SPTA1: variants seen among roughly 807,000 people sequenced by gnomAD.
SPTA1 encodes the protein spectrin alpha, erythrocytic 1.
In SPTA1, 177 loss-of-function variants were observed where a neutral mutation model predicts 324.7. That is an observed-to-expected ratio of 0.55 (90% CI 0.48 to 0.62). SPTA1 has a LOEUF of 0.62. Among genes scored for constraint, SPTA1 ranks in the 20% least tolerant of loss-of-function variants. The pLI, the probability that SPTA1 is intolerant of heterozygous loss-of-function variation, is 0.00. For synonymous variants in SPTA1, 1,195 were observed against 1,041.3 expected (o/e 1.15, Z -2.84); for missense variants, 3,162 against 2,883.6 (o/e 1.10, Z -2.21).
intron 25 of SPTA1, 150 bp from the exon 26 acceptor site, chr1:158,648,803 G>C: frequency 2.6e-6 from 2 of 771,224 alleles, no homozygotes; most frequent in Non-Finnish European, 4.0e-6. Flanking sequence ...TTTTTTATGT[G>C]CTAGAAACTT....
At chr1:158,620,118 A>C (rs187569646) in intron 44 of SPTA1, 52 bp downstream of exon 44, 1 of 1,600,784 alleles carries the variant, frequency 6.2e-7, no homozygotes, top group Admixed American at 1.7e-5. Flanking sequence ...TGGATAATAA[A>C]GTGGTTATGT....
In SPTA1 at chr1:158,667,992, G is replaced by T. The variant is rs751943864; in HGVS notation, c.1904C>A (p.Thr635Asn). The T allele has an allele frequency of 9.9e-6, 16 of 1,613,086 alleles. No individual in the cohort carries two copies. In the African/African-American group the frequency reaches 2.0e-4, roughly 20 times the overall value. Residue 635 changes from threonine to asparagine, a missense_variant, in exon 15 of 52, where the codon ACC (threonine) becomes AAC (asparagine). Transcript: ENST00000643759. ...AGTTTTCTGTATGTTTTCCAGCTGG[G>T]TCTTATTAACTGCCAACTCCTTTTC... ...VFEKELAVNK[T>N]QLENIQKTGQ...
chr1:158,683,277 G>A (rs1050426141), intron 3 of SPTA1, 94 bp downstream of exon 3: 8 of 1,574,748 alleles, frequency 5.1e-6, no homozygotes, highest in Middle Eastern at 1.7e-4. Flanking sequence ...CTGGGTATAA[G>A]CCAGCCACTC....
chr1:158,648,771 C>A (rs1652194925), intron 25 of SPTA1, 118 bp from the exon 26 acceptor site: 9 of 1,063,084 alleles, frequency 8.5e-6, no homozygotes, highest in African/African-American at 1.6e-5. Context: ...CACCCCCCCA[C>A]CCCAACCAAT....
At chr1:158,627,577 C>T (rs774435824) in intron 40 of SPTA1, 48 bp downstream of exon 40, 1 of 1,572,392 alleles carries the variant, frequency 6.4e-7, no homozygotes, top group East Asian at 2.2e-5. Flanking sequence ...TTGGGCCAGT[C>T]CCTTTTGGAG....
chr1:158,654,891 T>C (rs1652716181), intron 20 of SPTA1, 143 bp from the exon 21 acceptor site: 3 of 1,124,106 alleles, frequency 2.7e-6, no homozygotes, highest in African/African-American at 1.6e-5. Context: ...GAGATTAAAG[T>C]ATGTGGTCTT....
In SPTA1 at chr1:158,674,370, C is replaced by A. The variant is rs147677656; in HGVS notation, c.1309G>T (p.Val437Leu). 1 of 1,614,078 alleles carries A rather than the reference C, an allele frequency of 6.2e-7. No homozygotes were observed. The highest frequency in any genetic ancestry group is 8.5e-7 in the Non-Finnish European group (1 of 1,179,960). ...TCAGAGGCTTCATGATTGGCATTCA[C>A]GAGGTCTTGACCAGTCTCATCAGCA... is the stretch of plus-strand genomic sequence containing the variant. ...QSADETGQDL[V>L]NANHEASDEV... The change falls in exon 10 of 52, where the codon GTG (valine) becomes TTG (leucine). Residue 437 changes from valine (V) to leucine (L), a missense_variant. By Grantham distance (32) the Val-to-Leu change is conservative (BLOSUM62 1). Transcript: ENST00000643759.
chr1:158,671,260 G>A, intron 12 of SPTA1, 83 bp downstream of exon 12: 1 of 938,524 alleles, frequency 1.1e-6, no homozygotes. Context: ...AGTTACAGGA[G>A]CAATGCTGTC....
intron 11 of SPTA1, 59 bp downstream of exon 11, chr1:158,672,000 G>T: frequency 6.2e-7 from 1 of 1,605,322 alleles, no homozygotes; most frequent in Non-Finnish European, 8.5e-7. Context: ...GGTAGTCATG[G>T]TGGCAAATGA....
chr1:158,675,762 G>A (rs546885800), intron 8 of SPTA1, among the ~76,000 whole-genome samples: 1 of 152,292 alleles, frequency 6.6e-6, no homozygotes, highest in East Asian at 1.9e-4. Flanking sequence ...CGAGTGAGTA[G>A]ATATACAGCA....
rs1396800457 is a variant in SPTA1, at chr1:158,615,237, A to G, written c.6767T>C (p.Leu2256Pro). ...YQLGLRMQHN[L>P]EQQIQAKDIK... ...ATACTTGGCCTGGATCTGTTGCTCCAGGTTGTGTTGCATCCGCAACCCAAG... is the reference window on the plus strand; with the variant it reads ...ATACTTGGCCTGGATCTGTTGCTCCGGGTTGTGTTGCATCCGCAACCCAAG... The change falls in exon 48 of 52, where the codon CTG becomes CCG. Residue 2256 changes from leucine (L) to proline (P), a missense_variant. By Grantham distance (98) the Leu-to-Pro change is moderately conservative. Transcript: ENST00000643759. 2 of 1,613,514 alleles carry G rather than the reference A, an allele frequency of 1.2e-6. No individual in the cohort carries two copies. The highest frequency in any genetic ancestry group is 1.7e-5 in the Admixed American group (1 of 60,030).
intron 17 of SPTA1, 92 bp from the exon 18 acceptor site, chr1:158,661,501 C>T (rs971271529): frequency 1.9e-6 from 3 of 1,558,214 alleles, no homozygotes; most frequent in Non-Finnish European, 2.6e-6. Context: ...CCCACAGGTT[C>T]TTTCCTTTGA....
At chr1:158,652,356 C>G in intron 23 of SPTA1, 111 bp downstream of exon 23, 3 of 1,286,092 alleles carry the variant, frequency 2.3e-6, no homozygotes, top group Non-Finnish European at 3.3e-6. Context: ...TTGCCAATAG[C>G]TTTGGGGAGA....
At chr1:158,614,222 A>C (rs760629760) in intron 49 of SPTA1, 31 bp downstream of exon 49, 1 of 1,484,006 alleles carries the variant, frequency 6.7e-7, no homozygotes, top group Non-Finnish European at 9.4e-7. Context: ...CTGAAAAACA[A>C]AGAAGCAGTT....
In SPTA1 at chr1:158,666,464, T is replaced by G; in HGVS notation, c.2072A>C (p.Gln691Pro). ...TQLHEANQQL[Q>P]FENNAEDLQR... ...CAAATCTTCTGCATTATTTTCAAAT[T>G]GCAGCTGCTGGTTGGCCTCATGCAA... The change falls in exon 16 of 52, where the codon CAA becomes CCA. Residue 691 changes from glutamine (Q) to proline (P), a missense_variant. Transcript: ENST00000643759. The G allele has an allele frequency of 6.2e-7, 1 of 1,611,686 alleles. No individual in the cohort carries two copies. The highest frequency in any genetic ancestry group is 8.5e-7 in the Non-Finnish European group (1 of 1,179,958).
At position 158,681,635 on chromosome 1, in the gene SPTA1, G is replaced by A. The variant is rs1654821786; in HGVS notation, c.423C>T (p.Asp141=). ...AHIEELRHLW[D]LLLELTLEKG... is the part of the protein sequence containing the mutation. ...TCTCCAGGGTCAGCTCTAACAGCAG[G>A]TCCCACAGGTGGCGTAGCTCCTCTA... The change falls in exon 4 of 52, where the codon GAC becomes GAT. Residue 141 remains aspartate (D), a synonymous_variant. Transcript: ENST00000643759. 3 of 1,613,612 alleles carry A rather than the reference G, an allele frequency of 1.9e-6. No individual in the cohort carries two copies. Among genetic ancestry groups the A allele is most frequent in the Non-Finnish European group, 2.5e-6 (3 of 1,179,782 alleles).
chr1:158,615,429 C>A (rs2101750149), intron 47 of SPTA1, 26 bp from the exon 48 acceptor site: 3 of 1,612,676 alleles, frequency 1.9e-6, no homozygotes, highest in Non-Finnish European at 1.7e-6. Context: ...AGAAGAGAGA[C>A]AATTAGTTGC....
chr1:158,650,176 C>G (rs1182665848), intron 24 of SPTA1, among the ~76,000 whole-genome samples: 1 of 152,186 alleles, frequency 6.6e-6, no homozygotes, highest in Non-Finnish European at 1.5e-5. Flanking sequence ...AAACCATCAA[C>G]TCCGGAGCAG....
In SPTA1 at chr1:158,681,588, G is replaced by A. The variant is rs776864116; in HGVS notation, c.470C>T (p.Ala157Val). Reference sequence around the variant, plus strand: ...CTGTACATACTGCTGGAACTTCAGGGCCCGCAGCAACTGGTCACCCTTCTC... The same window carrying A: ...CTGTACATACTGCTGGAACTTCAGGACCCGCAGCAACTGGTCACCCTTCTC... ...TLEKGDQLLRALKFQQYVQEC... is the reference protein window; with the variant it reads ...TLEKGDQLLRVLKFQQYVQEC... Residue 157 changes from alanine (A) to valine (V), a missense_variant, in exon 4 of 52, where the codon GCC becomes GTC. Transcript: ENST00000643759. 6.2e-7 allele frequency: 1 copy of A among 1,613,804 alleles called. No individual in the cohort carries two copies. Among genetic ancestry groups the A allele is most frequent in the Non-Finnish European group, 8.5e-7 (1 of 1,179,818 alleles).
Sources: gnomAD v4.1 joint callset for allele counts (sites outside exome capture counted in the v4.1 genomes callset) on GRCh38, gnomAD v4.1.1 for gene constraint, MANE v1.5 for transcripts, NCBI Gene and HGNC (gene_info 2026-07-23, HGNC 2026-07-21) for gene names.